RUBCN: variants seen among roughly 807,000 people sequenced by gnomAD.
The protein encoded by RUBCN is run domain Beclin-1-interacting and cysteine-rich domain-containing protein.
RUBCN carries 74 observed loss-of-function variants against 113.2 expected under a neutral mutation model. The ratio of observed to expected loss-of-function variants is 0.65; its 90% CI spans 0.54 to 0.79. The LOEUF (loss-of-function observed/expected upper bound fraction) is 0.79, where lower values mean the gene tolerates loss of function less well. RUBCN is among the 30% of genes least tolerant of loss of function. The pLI is 0.00. For missense variants in RUBCN, 1,109 were observed against 1,251.7 expected (o/e 0.89, Z 1.72); for synonymous variants, 480 against 490.0 (o/e 0.98, Z 0.27).
chr3:197,736,084 T>TTCTGGTCTC (rs1291804656), intron 1 of RUBCN, among the ~76,000 whole-genome samples: 1 of 152,098 alleles, frequency 6.6e-6, no homozygotes, highest in African/African-American at 2.4e-5. Flanking sequence ...AGTGCAGAGT[T>TTCTGGTCTC]TCTGGTCTCA....
At chr3:197,740,202 C>T (rs1017836669), upstream of RUBCN, among the ~76,000 whole-genome samples, 1 of 151,136 alleles carries the variant, frequency 6.6e-6, no homozygotes, top group African/African-American at 2.4e-5. Flanking sequence ...TATCCCATCC[C>T]TCTACTTTCC....
At chr3:197,678,962 TCTAA>T (rs1456994776) in intron 16 of RUBCN, among the ~76,000 whole-genome samples, 70 of 149,754 alleles carry the variant, frequency 4.7e-4, no homozygotes, top group East Asian at 3.2e-3. Flanking sequence ...TGTCGTATGC[TCTAA>T]CTGACAACTG....
intron 18 of RUBCN, chr3:197,676,430 C>T (rs773006693): frequency 1.2e-4 from 83 of 702,064 alleles, no homozygotes; most frequent in Admixed American, 8.7e-4. Flanking sequence ...TCTCCTGCCT[C>T]AGCCTCCCGA....
In RUBCN at chr3:197,681,340, TCA is replaced by T. The variant is rs1721216040; in HGVS notation, c.2217_2218del (p.Cys739Ter). Reference sequence around the variant, plus strand: ...CTGGCAGAAGTACTTGCCCAGGTACTCACAGTACCGCAGTCGCTTGATGTAAT... The same window carrying T: ...CTGGCAGAAGTACTTGCCCAGGTACTCAGTACCGCAGTCGCTTGATGTAAT... On this transcript the variant is annotated stop_gained and frameshift_variant, in exon 16 of 20. Transcript: ENST00000296343. LOFTEE classifies it high-confidence loss of function. The surrounding 1 kb of genome is among the most constrained non-coding windows in gnomAD (Gnocchi z 5.5). The T allele has an allele frequency of 6.2e-7, 1 of 1,613,870 alleles. No individual in the cohort carries two copies. The highest frequency in any genetic ancestry group is 1.7e-5 in the Admixed American group (1 of 59,998).
intron 7 of RUBCN, chr3:197,699,057 G>C (rs1580245576): frequency 1.4e-6 from 1 of 721,364 alleles, no homozygotes; most frequent in East Asian, 2.7e-5. Context: ...TCATTTTATA[G>C]ACAGTTCCAA....
intron 1 of RUBCN, among the ~76,000 whole-genome samples, chr3:197,735,601 T>C (rs1728030362): frequency 6.6e-6 from 1 of 152,184 alleles, no homozygotes; most frequent in Admixed American, 6.5e-5. Flanking sequence ...TTTGGCTTTT[T>C]GTTTTTTGAA....
intron 7 of RUBCN, among the ~76,000 whole-genome samples, chr3:197,699,552 C>CA (rs1329737536): frequency 6.6e-6 from 1 of 152,134 alleles, no homozygotes; most frequent in Non-Finnish European, 1.5e-5. Flanking sequence ...ATCAGGCCTG[C>CA]AGCAGGAGAT....
chr3:197,724,762 T>C (rs747978457), intron 1 of RUBCN, among the ~76,000 whole-genome samples: 1 of 152,248 alleles, frequency 6.6e-6, no homozygotes, highest in Admixed American at 6.5e-5. Flanking sequence ...TAAAATTAGA[T>C]TTACGATCTC....
At chr3:197,715,706 C>G (rs917586833) in intron 2 of RUBCN, among the ~76,000 whole-genome samples, 1 of 152,236 alleles carries the variant, frequency 6.6e-6, no homozygotes, top group Non-Finnish European at 1.5e-5. Flanking sequence ...TCCAGGCAGT[C>G]TGGCTCTACC....
At chr3:197,740,733 G>A (rs949676696), upstream of RUBCN, among the ~76,000 whole-genome samples, 23 of 151,544 alleles carry the variant, frequency 1.5e-4, no homozygotes, top group African/African-American at 5.6e-4. Flanking sequence ...CAATTCTCCT[G>A]CCTCAGCCTC....
intron 1 of RUBCN, among the ~76,000 whole-genome samples, chr3:197,727,489 T>G (rs1726893847): frequency 6.6e-6 from 1 of 152,194 alleles, no homozygotes; most frequent in South Asian, 2.1e-4. Flanking sequence ...CCATTCTGCT[T>G]AAAAAGAAAA....
chr3:197,701,102 G>A lies in RUBCN; in HGVS notation c.772C>T (p.Pro258Ser). Residue 258 changes from proline to serine, a missense_variant, in exon 7 of 20, where the codon CCT becomes TCT. Physicochemically the swap from Pro to Ser is moderately conservative, Grantham distance 74. This residue lies in a region of RUBCN where 736 missense variants were observed against 779.6 expected (regional missense o/e 0.94). Coordinates refer to ENST00000296343, the MANE Select transcript of RUBCN (RefSeq NM_014687.4). ...GAGACGTGCCCTCTGCTTTCTTGAG[G>A]TTTCCGGGGAGGGCCAGAGAGTGGA... ...SFPLSGPPRKPQESRGHVSPA... is the reference protein window; with the variant it reads ...SFPLSGPPRKSQESRGHVSPA... 6.3e-7 allele frequency: 1 copy of A among 1,587,868 alleles called. No homozygotes were observed. Among genetic ancestry groups the A allele is most frequent in the African/African-American group, 1.3e-5 (1 of 74,270 alleles).
intron 16 of RUBCN, among the ~76,000 whole-genome samples, chr3:197,678,843 C>A (rs547163354): frequency 6.6e-6 from 1 of 150,862 alleles, no homozygotes; most frequent in South Asian, 2.1e-4. Context: ...CTCTAACTGA[C>A]AACTGGCTTC....
At chr3:197,739,505 G>A (rs35307695), upstream of RUBCN, among the ~76,000 whole-genome samples, 327 of 150,386 alleles carry the variant, frequency 2.2e-3, 1 homozygote, top group South Asian at 0.011. Flanking sequence ...TATCCTGGCT[G>A]ACACGGTGAA....
intron 11 of RUBCN, among the ~76,000 whole-genome samples, chr3:197,685,130 C>T (rs963216596): frequency 2.6e-5 from 4 of 152,122 alleles, no homozygotes; most frequent in East Asian, 1.9e-4. Flanking sequence ...ATTTAGAAGA[C>T]GATTTCTAAT....
rs779176168 is a variant in RUBCN at position 197,675,069 on chromosome 3, C to T, written c.2868G>A (p.Glu956=). ...SLESYLSDYE[E]EPAEALALEA... ...CCAGGGCCAGCGCTTCCGCGGGCTC[C>T]TCCTCGTAGTCTGACAGGTAAGACT... The change falls in exon 20 of 20, where the codon GAG becomes GAA. Residue 956 remains glutamate (E), a synonymous_variant. Coordinates refer to ENST00000296343, the MANE Select transcript of RUBCN (RefSeq NM_014687.4). The surrounding 1 kb of genome is among the most constrained non-coding windows in gnomAD (Gnocchi z 4.4). 2 of 1,613,428 alleles carry T rather than the reference C, an allele frequency of 1.2e-6. No individual in the cohort carries two copies. The highest frequency in any genetic ancestry group is 1.7e-5 in the Admixed American group (1 of 60,036).
chr3:197,694,439 G>A lies in RUBCN; in HGVS notation c.1620C>T (p.Arg540=). The A allele has an allele frequency of 6.2e-7, 1 of 1,614,184 alleles. No homozygotes were observed. Among genetic ancestry groups the A allele is most frequent in the Non-Finnish European group, 8.5e-7 (1 of 1,180,040 alleles). ...REIQELKQKI[R]LRRQQIRTKN... is the part of the protein sequence containing the mutation. ...TGGTGCGGATTTGCTGGCGCCGAAG[G>A]CGGATCTTCTGCTTCAGCTCCTGGA... The change falls in exon 10 of 20, where the codon CGC becomes CGT. Residue 540 remains arginine, a synonymous_variant. Coordinates refer to ENST00000296343, the MANE Select transcript of RUBCN (RefSeq NM_014687.4).
At position 197,672,893 on chromosome 3, in the gene RUBCN, A is replaced by G. The variant is rs1271390044; in HGVS notation, c.*2125T>C. ...TTTTTGGAAGAGACAGGGTTTCACC[A>G]CATTGGCCAGGCTGGTCTCAAACTC... On this transcript the variant is annotated 3_prime_UTR_variant, in exon 20 of 20. Coordinates refer to ENST00000296343, the MANE Select transcript of RUBCN (RefSeq NM_014687.4). 1 of 152,330 alleles carries G rather than the reference A, an allele frequency of 6.6e-6. No homozygotes were observed. The highest frequency in any genetic ancestry group is 2.4e-5 in the African/African-American group (1 of 41,468). The allele number at this position is 152,330 out of a possible 1,614,324, so 9.4% of individuals were successfully genotyped here.
intron 1 of RUBCN, among the ~76,000 whole-genome samples, chr3:197,735,313 C>A (rs1389901866): frequency 6.6e-6 from 1 of 152,218 alleles, no homozygotes; most frequent in Admixed American, 6.5e-5. Context: ...CTAGTATAAT[C>A]GCTTGAGCCC....
Sources: gnomAD v4.1 joint callset for allele counts (sites outside exome capture counted in the v4.1 genomes callset) on GRCh38, gnomAD v4.1.1 for gene constraint, gnomAD v4.1.1 regional missense constraint, Gnocchi (gnomAD v3.1) non-coding constraint, MANE v1.5 for transcripts, NCBI Gene and HGNC (gene_info 2026-07-23, HGNC 2026-07-21) for gene names.